The following CWC22 variants were observed in gnomAD, a reference collection of about 807,000 sequenced individuals.
CWC22 encodes pre-mRNA-splicing factor CWC22 homolog.
In CWC22, 53 loss-of-function variants were observed where a neutral mutation model predicts 117.2. That is an observed-to-expected ratio of 0.45 (90% CI 0.36 to 0.57). The LOEUF (loss-of-function observed/expected upper bound fraction) is 0.57. Among genes scored for constraint, CWC22 ranks in the 20% least tolerant of loss-of-function variants. The pLI, the probability that CWC22 is intolerant of heterozygous loss-of-function variation, is 0.00. For missense variants in CWC22, 980 were observed against 1,068.8 expected (o/e 0.92, Z 1.16); for synonymous variants, 360 against 355.6 (o/e 1.01, Z -0.14).
intron 6 of CWC22, among the ~76,000 whole-genome samples, chr2:179,977,859 TA>T (rs1171833537): frequency 6.6e-6 from 1 of 152,088 alleles, no homozygotes; most frequent in East Asian, 1.9e-4. Context: ...AAAAAAGAAA[TA>T]AAAAATTAAA....
Position 179,950,616 on chromosome 2 carries a change from T to C in CWC22, c.2036A>G (p.Glu679Gly), listed in dbSNP as rs371568048. ...SSSSSASSSSESDSSDSDSDS... is the reference protein window; with the variant it reads ...SSSSSASSSSGSDSSDSDSDS... ...AGAATCAGAGTCGGATGAGTCAGAC[T>C]CTGAAGAGGAGGACGCTGAAGAGGA... Residue 679 changes from glutamate (E) to glycine (G), a missense_variant, in exon 19 of 20, where the codon GAG (glutamate) becomes GGG (glycine). By Grantham distance (98) the Glu-to-Gly change is moderately conservative (BLOSUM62 -2). Coordinates refer to ENST00000410053, the MANE Select transcript of CWC22 (RefSeq NM_020943.3). The C allele has an allele frequency of 3.7e-6, 6 of 1,613,350 alleles. No homozygotes were observed. Among genetic ancestry groups the C allele is most frequent in the Non-Finnish European group, 4.2e-6 (5 of 1,179,570 alleles).
At chr2:179,998,228 A>C (rs1687756750) in intron 1 of CWC22, among the ~76,000 whole-genome samples, 1 of 152,196 alleles carries the variant, frequency 6.6e-6, no homozygotes, top group African/African-American at 2.4e-5. Flanking sequence ...TACCTACTTT[A>C]TAGTGAAGAA....
At chr2:179,970,298 G>A (rs1686998270) in intron 11 of CWC22, among the ~76,000 whole-genome samples, 2 of 151,930 alleles carry the variant, frequency 1.3e-5, no homozygotes, top group South Asian at 4.2e-4. Flanking sequence ...AAGAACAATG[G>A]GGTAAGTAAT....
chr2:179,950,423 T>C (rs1559283784), intron 19 of CWC22, 89 bp downstream of exon 19: 3 of 813,786 alleles, frequency 3.7e-6, no homozygotes, highest in Non-Finnish European at 3.8e-6. Flanking sequence ...CTAAGACAAA[T>C]AAACAATCAA....
At chr2:179,998,048 T>C (rs1412273897) in intron 1 of CWC22, among the ~76,000 whole-genome samples, 1 of 152,158 alleles carries the variant, frequency 6.6e-6, no homozygotes, top group Non-Finnish European at 1.5e-5. Flanking sequence ...GGGCAGAAAG[T>C]GTAGGGGAAA....
chr2:179,973,590 T>C (rs1407335553), intron 7 of CWC22, 44 bp downstream of exon 7: 2 of 1,243,584 alleles, frequency 1.6e-6, no homozygotes, highest in East Asian at 2.5e-5. Context: ...GGTTTGTTAG[T>C]TTGTTCCTAT....
In CWC22 at chr2:179,969,480, T is replaced by C. The variant is rs562349241; in HGVS notation, c.1210+1021A>G. Among the ~76,000 whole-genome samples, 3 of 152,340 alleles carry C rather than the reference T, an allele frequency of 2.0e-5. No homozygotes were observed. The East Asian group carries it at 5.8e-4, about 29-fold the overall frequency. On this transcript the variant is annotated intron_variant, in intron 11 of 19. Transcript: ENST00000410053. ...TCTACTTCTAAGCACTACTGAACAA[T>C]GGAATGCAGACAGAGACAGAGTTCT...
chr2:179,979,094 AG>A (rs1314767851), intron 5 of CWC22, among the ~76,000 whole-genome samples: 1 of 152,190 alleles, frequency 6.6e-6, no homozygotes, highest in African/African-American at 2.4e-5. Context: ...TTTCAGCTGC[AG>A]GAAGTCTTAA....
intron 14 of CWC22, among the ~76,000 whole-genome samples, chr2:179,955,911 GT>G (rs1413496177): frequency 9.9e-5 from 15 of 151,934 alleles, no homozygotes; most frequent in African/African-American, 3.4e-4. Flanking sequence ...ATGAAAAAAG[GT>G]GTTAATTCAT....
chr2:179,963,335 C>CTTTTTTTTTTTTTTTTTTTTT (rs774947016), intron 13 of CWC22, among the ~76,000 whole-genome samples: 1 of 82,056 alleles, frequency 1.2e-5, no homozygotes. Flanking sequence ...ATATTTAATA[C>CTTTTTTTTTTTTTTTTTTTTT]TTTTTTTTTT....
At chr2:179,952,640 T>A in intron 16 of CWC22, 42 bp from the exon 17 acceptor site, 5 of 1,196,568 alleles carry the variant, frequency 4.2e-6, no homozygotes, top group Non-Finnish European at 5.7e-6. Flanking sequence ...TTTTAATTTA[T>A]AAAAGACAGG....
chr2:179,952,385 T>C, intron 17 of CWC22, 86 bp downstream of exon 17: 1 of 941,018 alleles, frequency 1.1e-6, no homozygotes, highest in Non-Finnish European at 1.4e-6. Flanking sequence ...GCTCTTGTTT[T>C]TACAGTCTCG....
At position 179,954,971 on chromosome 2, in the gene CWC22, CA is replaced by C; in HGVS notation, c.1521del (p.Phe507LeufsTer4). 3.8e-6 allele frequency: 6 copies of C among 1,596,318 alleles called. No individual in the cohort carries two copies. The highest frequency in any genetic ancestry group is 1.7e-5 in the Admixed American group (1 of 58,162). On this transcript the variant is annotated frameshift_variant, in exon 15 of 20. Coordinates refer to ENST00000410053, the MANE Select transcript of CWC22 (RefSeq NM_020943.3). LOFTEE classifies it high-confidence loss of function. ...CAQQRTYEKFFGLLAGRFCML... is the reference protein window; with the variant it reads ...CAQQRTYEKFXGLLAGRFCML... ...CTGGAACTCACCCCAGCTAATAAGCCAAAAAATTTTTCGTATGTCCTCTGTT... is the reference window on the plus strand; with the variant it reads ...CTGGAACTCACCCCAGCTAATAAGCCAAAAATTTTTCGTATGTCCTCTGTT...
intron 4 of CWC22, among the ~76,000 whole-genome samples, chr2:179,985,385 T>C (rs190502040): frequency 5.9e-5 from 9 of 152,204 alleles, no homozygotes; most frequent in Non-Finnish European, 8.8e-5. Context: ...CTCTTCCCTA[T>C]ATTGAGCATC....
At chr2:179,981,379 GA>G (rs1405992342) in intron 5 of CWC22, among the ~76,000 whole-genome samples, 1 of 152,058 alleles carries the variant, frequency 6.6e-6, no homozygotes, top group East Asian at 1.9e-4. Context: ...TTTACAACAG[GA>G]AAAGTCAATT....
intron 13 of CWC22, 93 bp downstream of exon 13, chr2:179,964,454 T>G: frequency 1.6e-6 from 1 of 628,002 alleles, no homozygotes; most frequent in East Asian, 2.9e-5. Flanking sequence ...GGTGTCCAGT[T>G]TTCTGTTATG....
intron 14 of CWC22, among the ~76,000 whole-genome samples, chr2:179,955,554 A>C (rs1686567555): frequency 1.3e-5 from 2 of 152,000 alleles, no homozygotes; most frequent in African/African-American, 2.4e-5. Flanking sequence ...GTTGATAAAG[A>C]AACATCAAAA....
intron 10 of CWC22, 42 bp from the exon 11 acceptor site, chr2:179,970,605 C>T: frequency 1.3e-6 from 2 of 1,579,100 alleles, no homozygotes; most frequent in Non-Finnish European, 1.7e-6. Flanking sequence ...TCTATATTTA[C>T]ATTTGTTGGT....
intron 5 of CWC22, among the ~76,000 whole-genome samples, chr2:179,980,575 G>A (rs973213641): frequency 2.0e-4 from 31 of 151,756 alleles, no homozygotes; most frequent in Admixed American, 1.7e-3. Flanking sequence ...CCACCACCAC[G>A]CCTGGCTAAT....
Sources: allele counts gnomAD v4.1 joint callset (sites outside exome capture counted in the v4.1 genomes callset), GRCh38; gene constraint gnomAD v4.1.1; transcripts MANE v1.5; gene names NCBI Gene and HGNC (gene_info 2026-07-23, HGNC 2026-07-21).